The following NCOR1 variants were observed in gnomAD, a reference collection of about 807,000 sequenced individuals.
The protein encoded by NCOR1 is nuclear receptor corepressor 1, also known as protein phosphatase 1, regulatory subunit 109.
NCOR1 carries 63 observed loss-of-function variants against 288.1 expected under a neutral mutation model. The ratio of observed to expected loss-of-function variants is 0.22; its 90% CI spans 0.18 to 0.27. The LOEUF is 0.27. Ranked by LOEUF, NCOR1 falls within the 10% of genes least tolerant of loss-of-function variation. The pLI is 1.00. For synonymous variants in NCOR1, 1,007 were observed against 1,065.9 expected (o/e 0.94, Z 1.08); for missense variants, 2,397 against 3,019.2 (o/e 0.79, Z 4.83).
chr17:16,109,495 T>C (rs993149491), intron 18 of NCOR1, among the ~76,000 whole-genome samples: 5 of 152,120 alleles, frequency 3.3e-5, no homozygotes, highest in Admixed American at 3.3e-4. Context: ...ATATCACTGT[T>C]ACAAATTCTT....
intron 45 of NCOR1, among the ~76,000 whole-genome samples, chr17:16,034,058 G>T (rs912010210): frequency 1.3e-5 from 2 of 152,130 alleles, no homozygotes; most frequent in Admixed American, 6.6e-5. Context: ...ATTTCCCTAA[G>T]AACTTTTTCT....
intron 10 of NCOR1, among the ~76,000 whole-genome samples, chr17:16,144,769 C>T (rs1376762569): frequency 6.6e-6 from 1 of 151,820 alleles, no homozygotes; most frequent in Non-Finnish European, 1.5e-5. Context: ...CGATCTCCCT[C>T]TCCCTCTCCT....
At chr17:16,206,997 T>C (rs1227192490) in intron 1 of NCOR1, among the ~76,000 whole-genome samples, 2 of 152,134 alleles carry the variant, frequency 1.3e-5, no homozygotes, top group Non-Finnish European at 2.9e-5. Context: ...AATGATTTTG[T>C]GTGAATATAA....
chr17:16,138,079 A>G (rs2076679588), intron 13 of NCOR1, 79 bp downstream of exon 13: 2 of 1,160,682 alleles, frequency 1.7e-6, no homozygotes, highest in East Asian at 2.4e-5. Context: ...TTAACTACTT[A>G]TATGTGTCAG....
rs1325843352 is a variant in NCOR1, at chr17:16,194,515, G to A, written c.55C>T (p.Arg19Cys). The A allele has an allele frequency of 1.2e-6, 2 of 1,611,382 alleles. No homozygotes were observed. Among genetic ancestry groups the A allele is most frequent in the South Asian group, 2.2e-5 (2 of 90,228 alleles). ...NQGAFSTEQS[R>C]YPPHSVQYTF... is the part of the protein sequence containing the mutation. ...TACTGGACAGAGTGAGGAGGATAAC[G>A]ACTTTGTTCTGTGCTGAATGCTCCT... Residue 19 changes from arginine (R) to cysteine (C), a missense_variant, in exon 2 of 46, where the codon CGT (arginine) becomes TGT (cysteine). Arg to Cys is a radical substitution (Grantham distance 180). Transcript: ENST00000268712.
rs924837227 is a variant in NCOR1, at chr17:16,190,854, C to T, written c.108+3608G>A. Among the ~76,000 whole-genome samples, 5 of 152,192 alleles carry T rather than the reference C, an allele frequency of 3.3e-5. No individual in the cohort carries two copies. The East Asian group carries it at 7.7e-4, about 23-fold the overall frequency. On this transcript the variant is annotated intron_variant, in intron 2 of 45. Transcript: ENST00000268712. ...TAATAGGCAGCAGAGGGCTTGATCG[C>T]TGAGAGAAATGAAGCAAATGAGGTA...
chr17:16,045,227 G>A (rs2058463450), intron 42 of NCOR1, among the ~76,000 whole-genome samples: 1 of 152,122 alleles, frequency 6.6e-6, no homozygotes. Flanking sequence ...CTATGAGTAT[G>A]GAACTGTTAG....
intron 1 of NCOR1, among the ~76,000 whole-genome samples, chr17:16,207,096 A>G (rs1440140151): frequency 2.0e-5 from 3 of 152,204 alleles, no homozygotes; most frequent in Non-Finnish European, 4.4e-5. Flanking sequence ...TAACTCCTAG[A>G]TAGCACAAGT....
At chr17:16,214,771 T>TA (rs2092410850) in intron 1 of NCOR1, among the ~76,000 whole-genome samples, 1 of 152,242 alleles carries the variant, frequency 6.6e-6, no homozygotes, top group South Asian at 2.1e-4. Context: ...GGGGTGCACT[T>TA]ACGGACTTCG....
intron 26 of NCOR1, among the ~76,000 whole-genome samples, chr17:16,077,064 G>A (rs185005423): frequency 3.3e-5 from 5 of 152,154 alleles, no homozygotes; most frequent in African/African-American, 9.6e-5. Context: ...CAAGCATCTC[G>A]ACAACTTTAT....
rs141130092 is a variant in NCOR1 at position 16,101,670 on chromosome 17, G to A, written c.2270C>T (p.Thr757Met). The A allele has an allele frequency of 1.3e-5, 21 of 1,614,196 alleles. No homozygotes were observed. The highest frequency in any genetic ancestry group is 5.3e-5 in the African/African-American group (4 of 75,056). Residue 757 changes from threonine (T) to methionine (M), a missense_variant, in exon 20 of 46, where the codon ACG (threonine) becomes ATG (methionine). Transcript: ENST00000268712. ...TEPAVELEPT[T>M]ETAPSTSPSL... ...GGGAGATGTACTGGGTGCAGTTTCCGTGGTGGGCTCAAGCTCAACCGCAGG... is the reference window on the plus strand; with the variant it reads ...GGGAGATGTACTGGGTGCAGTTTCCATGGTGGGCTCAAGCTCAACCGCAGG...
At chr17:16,115,253 G>A (rs116471391) in intron 18 of NCOR1, among the ~76,000 whole-genome samples, 179 of 152,254 alleles carry the variant, frequency 1.2e-3, no homozygotes, top group African/African-American at 4.2e-3. Context: ...TGGGTCCAGG[G>A]CATGAAATCA....
intron 32 of NCOR1, 78 bp from the exon 33 acceptor site, chr17:16,065,772 G>A (rs2061047003): frequency 7.6e-7 from 1 of 1,315,538 alleles, no homozygotes; most frequent in African/African-American, 1.4e-5. Flanking sequence ...GTACAAAAGA[G>A]TAGAGAAAAA....
Position 16,145,873 on chromosome 17 carries a change from G to C in NCOR1, c.1082+503C>G, listed in dbSNP as rs372632628. Reference sequence around the variant, plus strand: ...CTAGAGAGGGGGGGAAATGTGGCGAGAGTAGAGGGAGATCAGATTGTTACT... The same window carrying C: ...CTAGAGAGGGGGGGAAATGTGGCGACAGTAGAGGGAGATCAGATTGTTACT... On this transcript the variant is annotated intron_variant, in intron 10 of 45. Transcript: ENST00000268712. 1.8e-4 allele frequency among the ~76,000 whole-genome samples: 28 copies of C among 152,340 alleles called. 2 individuals are homozygous for C. Among genetic ancestry groups the C allele is most frequent in the African/African-American group, 6.5e-4 (27 of 41,586 alleles).
chr17:16,166,657 G>T (rs2082065234), intron 4 of NCOR1, among the ~76,000 whole-genome samples: 1 of 151,604 alleles, frequency 6.6e-6, no homozygotes, highest in Admixed American at 6.6e-5. Flanking sequence ...TCCAGCATGG[G>T]TGACAGAGCA....
At chr17:16,199,219 ACACACACAC>A (rs2090424322) in intron 1 of NCOR1, among the ~76,000 whole-genome samples, 1 of 66,520 alleles carries the variant, frequency 1.5e-5, no homozygotes, top group Non-Finnish European at 3.5e-5. Context: ...AAAAAAAAAC[ACACACACAC>A]ACACACACAC....
In NCOR1 at chr17:16,137,404, A is replaced by G. The variant is rs763712566; in HGVS notation, c.1416T>C (p.Pro472=). The G allele has an allele frequency of 4.3e-5, 65 of 1,522,358 alleles. No homozygotes were observed. Among genetic ancestry groups the G allele is most frequent in the Non-Finnish European group, 5.6e-5 (62 of 1,115,206 alleles). 94.3% of individuals were successfully genotyped at this position (1,522,358 alleles called of 1,614,324 possible). A position where few individuals can be genotyped will look rare whatever the true frequency, so the allele number is the denominator to read the frequency against. The change falls in exon 14 of 46, where the codon CCT becomes CCC. Residue 472 remains proline (P), a synonymous_variant. Coordinates refer to ENST00000268712, the MANE Select transcript of NCOR1 (RefSeq NM_006311.4). ...TTAAATAGTAATACAAAACACAATC[A>G]GGAACACTCTGTAAGAAATAAAACA... ...IASYLERKSV[P]DCVLYYYLTK... is the part of the protein sequence containing the mutation.
chr17:16,039,700 T>C, intron 43 of NCOR1, 46 bp from the exon 44 acceptor site: 1 of 1,534,308 alleles, frequency 6.5e-7, no homozygotes, highest in Non-Finnish European at 8.9e-7. Context: ...GAAAGGCCAA[T>C]CAGGAAACAA....
chr17:16,161,929 G>A (rs552603759), intron 5 of NCOR1, among the ~76,000 whole-genome samples: 6 of 152,056 alleles, frequency 3.9e-5, no homozygotes, highest in African/African-American at 1.2e-4. Flanking sequence ...ACAATCATGT[G>A]ATTTAGTTGG....
Sources: gnomAD v4.1 joint callset for allele counts (sites outside exome capture counted in the v4.1 genomes callset) on GRCh38, gnomAD v4.1.1 for gene constraint, MANE v1.5 for transcripts, NCBI Gene and HGNC (gene_info 2026-07-23, HGNC 2026-07-21) for gene names.